Variants in PTPRD observed in about 807,000 individuals in gnomAD.
PTPRD encodes the protein protein tyrosine phosphatase receptor type D.
Under a neutral mutation model 214.5 loss-of-function variants are expected in PTPRD, and 34 were observed. The observed-to-expected ratio is 0.16, with a 90% CI of 0.12 to 0.21. The LOEUF (loss-of-function observed/expected upper bound fraction) is 0.21. Ranked by LOEUF, PTPRD falls within the 10% of genes least tolerant of loss-of-function variation. PTPRD has a pLI of 1.00. For synonymous variants in PTPRD, 1,128 were observed against 845.7 expected (o/e 1.33, Z -5.79); for missense variants, 2,545 against 2,398.7 (o/e 1.06, Z -1.27).
chr9:9,079,318 G>T (rs1159514250), intron 10 of PTPRD, among the ~76,000 whole-genome samples: 1 of 151,640 alleles, frequency 6.6e-6, no homozygotes, highest in African/African-American at 2.4e-5. Flanking sequence ...TTAACTTTTT[G>T]TTTCTGGCTT....
chr9:9,930,524 G>A (rs57542556), intron 5 of PTPRD, among the ~76,000 whole-genome samples: 1 of 151,858 alleles, frequency 6.6e-6, no homozygotes, highest in East Asian at 1.9e-4. Flanking sequence ...CACTCAAACT[G>A]GATAAAGAAC....
rs533438069 is a variant in PTPRD at position 9,102,069 on chromosome 9, T to C, written c.-143+81235A>G. On this transcript the variant is annotated intron_variant, in intron 10 of 45. Transcript: ENST00000381196. ...AGATAAGAATATAACCAGTGCTTCA[T>C]TGGTAAGCATACAGACTCTTCTTTT... Among the ~76,000 whole-genome samples the C allele has an allele frequency of 1.1e-4, 16 of 152,304 alleles. No homozygotes were observed. The East Asian group carries it at 2.3e-3, about 22-fold the overall frequency.
chr9:10,149,854 C>G (rs902485896), intron 3 of PTPRD, among the ~76,000 whole-genome samples: 4 of 151,940 alleles, frequency 2.6e-5, no homozygotes, highest in Non-Finnish European at 2.9e-5. Context: ...CCTCAGCCTC[C>G]CCAGTAGCTG....
At chr9:9,017,848 C>A (rs1415774772) in intron 11 of PTPRD, among the ~76,000 whole-genome samples, 1 of 151,980 alleles carries the variant, frequency 6.6e-6, no homozygotes, top group East Asian at 1.9e-4. Context: ...TAAAATGGAA[C>A]TTTCTTCTAC....
intron 11 of PTPRD, among the ~76,000 whole-genome samples, chr9:8,918,008 C>T (rs1026513970): frequency 1.4e-4 from 21 of 152,168 alleles, no homozygotes; most frequent in African/African-American, 2.6e-4. Context: ...AGGGGGATTT[C>T]GGGCCTCAGA....
intron 3 of PTPRD, among the ~76,000 whole-genome samples, chr9:10,176,320 T>A (rs2099248545): frequency 6.6e-6 from 1 of 151,828 alleles, no homozygotes; most frequent in Admixed American, 6.6e-5. Context: ...GTCTAAATCA[T>A]CTTTTAGGAA....
At chr9:9,530,421 T>C (rs2075198210) in intron 8 of PTPRD, among the ~76,000 whole-genome samples, 1 of 152,156 alleles carries the variant, frequency 6.6e-6, no homozygotes, top group African/African-American at 2.4e-5. Flanking sequence ...ACATACAACC[T>C]ACCAAGATTG....
At chr9:9,469,346 G>C (rs2094436050) in intron 8 of PTPRD, among the ~76,000 whole-genome samples, 2 of 151,978 alleles carry the variant, frequency 1.3e-5, no homozygotes. Context: ...TGTCTTCTAG[G>C]AGCAATGATT....
At chr9:8,460,308 T>A (rs1337104336) in intron 33 of PTPRD, 103 bp downstream of exon 33, 1 of 1,322,750 alleles carries the variant, frequency 7.6e-7, no homozygotes, top group Non-Finnish European at 1.1e-6. Flanking sequence ...GGCACTGAAG[T>A]ATTTCTACTA....
In PTPRD at chr9:10,015,265, G is replaced by T. The variant is rs141237211; in HGVS notation, c.-472+18453C>A. Reference sequence around the variant, plus strand: ...ACAATGCCGCTAATTGAATTTTTCAGCAACAAAAATATGTGCAATAACAGC... The same window carrying T: ...ACAATGCCGCTAATTGAATTTTTCATCAACAAAAATATGTGCAATAACAGC... On this transcript the variant is annotated intron_variant, in intron 4 of 45. Transcript: ENST00000381196. Among the ~76,000 whole-genome samples, 465 of 152,078 alleles carry T rather than the reference G, an allele frequency of 3.1e-3. 1 individual carries two copies. The highest frequency in any genetic ancestry group is 0.011 in the African/African-American group (440 of 41,458).
chr9:10,025,613 T>C (rs1273772653), intron 4 of PTPRD, among the ~76,000 whole-genome samples: 1 of 152,204 alleles, frequency 6.6e-6, no homozygotes, highest in Non-Finnish European at 1.5e-5. Flanking sequence ...GCTGAGCACA[T>C]TTCAAATACG....
chr9:9,763,885 C>A (rs191298835), intron 6 of PTPRD, among the ~76,000 whole-genome samples: 1 of 152,168 alleles, frequency 6.6e-6, no homozygotes, highest in African/African-American at 2.4e-5. Flanking sequence ...AAATATTATG[C>A]ATTCTTGACG....
At position 9,183,284 on chromosome 9, in the gene PTPRD, A is replaced by C. The variant is rs2099929318; in HGVS notation, c.-143+20T>G. ...AGGACCCAGAGAAGGGAAAGGGTTA[A>C]AATGTGGTTGTGGACTCACCTTGAG... On this transcript the variant is annotated intron_variant, in intron 10 of 45. Transcript: ENST00000381196. 6.6e-6 allele frequency: 1 copy of C among 152,018 alleles called. No homozygotes were observed. Among genetic ancestry groups the C allele is most frequent in the South Asian group, 2.1e-4 (1 of 4,826 alleles). The allele number at this position is 152,018 out of a possible 1,614,324, so 9.4% of individuals were successfully genotyped here. A position where few individuals can be genotyped will look rare whatever the true frequency, so the allele number is the denominator to read the frequency against.
intron 5 of PTPRD, among the ~76,000 whole-genome samples, chr9:9,868,879 A>G (rs2064709056): frequency 6.6e-6 from 1 of 152,140 alleles, no homozygotes. Context: ...CCTAAGAGAA[A>G]AAGTCTGAAA....
At chr9:9,901,288 G>A (rs964546880) in intron 5 of PTPRD, among the ~76,000 whole-genome samples, 40 of 152,086 alleles carry the variant, frequency 2.6e-4, no homozygotes, top group African/African-American at 9.4e-4. Flanking sequence ...AATTTTCAGA[G>A]TTCATTAATG....
At chr9:10,250,745 C>G (rs950982353) in intron 3 of PTPRD, among the ~76,000 whole-genome samples, 3 of 151,644 alleles carry the variant, frequency 2.0e-5, no homozygotes, top group Non-Finnish European at 2.9e-5. Flanking sequence ...CCAAGAAGCA[C>G]AAAGGTTCAG....
intron 2 of PTPRD, among the ~76,000 whole-genome samples, chr9:10,430,378 A>C (rs4741033): frequency 0.085 from 12,862 of 151,960 alleles, 1,292 homozygotes; most frequent in East Asian, 0.56. Context: ...TATTTAAATA[A>C]TGGTTAAATT....
At chr9:10,192,406 C>G (rs1311104031) in intron 3 of PTPRD, among the ~76,000 whole-genome samples, 2 of 131,978 alleles carry the variant, frequency 1.5e-5, no homozygotes, top group East Asian at 2.3e-4. Flanking sequence ...ATGAGTATCA[C>G]TGGGTAGAAG....
At chr9:8,850,614 A>G (rs775705234) in intron 11 of PTPRD, among the ~76,000 whole-genome samples, 7 of 152,190 alleles carry the variant, frequency 4.6e-5, no homozygotes, top group Non-Finnish European at 1.0e-4. Context: ...TTTAAGATAC[A>G]TCCAACAAAC....
Sources: gnomAD v4.1 joint callset for allele counts (sites outside exome capture counted in the v4.1 genomes callset) on GRCh38, gnomAD v4.1.1 for gene constraint, MANE v1.5 for transcripts, NCBI Gene and HGNC (gene_info 2026-07-23, HGNC 2026-07-21) for gene names.